The following SERP2 variants were observed in gnomAD, a reference collection of about 807,000 sequenced individuals.
The protein encoded by SERP2 is stress associated endoplasmic reticulum protein family member 2, also known as stress-associated endoplasmic reticulum protein 2.
A neutral mutation model predicts 9.1 loss-of-function variants in SERP2; 6 were observed. That is an observed-to-expected ratio of 0.66 (90% CI 0.36 to 1.30). The LOEUF is 1.30. SERP2 is among the 50% of genes most tolerant of loss of function. The probability of loss-of-function intolerance (pLI) is 0.03; values close to 1 mark genes in which losing one functional copy is unlikely to be tolerated. For missense variants in SERP2, 58 were observed against 81.9 expected (o/e 0.71, Z 1.13); for synonymous variants, 37 against 27.3 (o/e 1.35, Z -1.10).
intron 2 of SERP2, chr13:44,391,206 G>C (rs1872738677): frequency 6.6e-6 from 1 of 152,108 alleles, no homozygotes; most frequent in Admixed American, 6.5e-5. Flanking sequence ...CAGTCCCCAG[G>C]GTGAGAGTCG....
chr13:44,373,692 G>C (rs1871440351), upstream of SERP2: 1 of 302,788 alleles, frequency 3.3e-6, no homozygotes. This position sits in a 1 kb window ranked among gnomAD's most constrained non-coding sequence, Gnocchi z 4.8. Context: ...CCGGCTCTGC[G>C]CGCTGCGCTC....
Position 44,397,579 on chromosome 13 carries a change from GTT to G in SERP2, c.*273_*274del, listed in dbSNP as rs1566097417. ...CACGCGGGTCGTCCGCAGCAGTGCT[GTT>G]TTTTTGGTTTTTCCCTTGGTTTCAC... is the stretch of plus-strand genomic sequence containing the variant. On this transcript the variant is annotated 3_prime_UTR_variant, in exon 3 of 3. Transcript: ENST00000379179. The G allele has an allele frequency of 3.7e-6, 2 of 533,800 alleles. No individual in the cohort carries two copies. Among genetic ancestry groups the G allele is most frequent in the East Asian group, 6.7e-5 (2 of 30,048 alleles). 33.1% of individuals were successfully genotyped at this position (533,800 alleles called of 1,614,324 possible).
At chr13:44,395,844 G>C (rs916829623) in intron 2 of SERP2, 3 of 457,126 alleles carry the variant, frequency 6.6e-6, no homozygotes, top group Non-Finnish European at 1.3e-5. Flanking sequence ...CTGCAGATTG[G>C]TGTAGTAATA....
chr13:44,374,541 G>T (rs1307998767), intron 1 of SERP2, among the ~76,000 whole-genome samples: 1 of 152,168 alleles, frequency 6.6e-6, no homozygotes, highest in Non-Finnish European at 1.5e-5. Flanking sequence ...ACAGAGCCTG[G>T]AACCTAGTAT....
At chr13:44,380,261 T>C (rs74901634) in intron 2 of SERP2, among the ~76,000 whole-genome samples, 9,283 of 152,242 alleles carry the variant, frequency 0.061, 300 homozygotes, top group Admixed American at 0.09. Context: ...AGAAGCATCG[T>C]GCCATTGTTT....
intron 1 of SERP2, among the ~76,000 whole-genome samples, chr13:44,377,638 G>A (rs983620682): frequency 6.6e-6 from 1 of 152,224 alleles, no homozygotes; most frequent in Non-Finnish European, 1.5e-5. Flanking sequence ...GGACAGAGAA[G>A]TGAATGTCTT....
intron 2 of SERP2, among the ~76,000 whole-genome samples, chr13:44,392,201 A>AAAAAAAAAAAAAAAAAAAAAC (rs1872820119): frequency 7.1e-6 from 1 of 141,842 alleles, no homozygotes; most frequent in Admixed American, 7.1e-5. Context: ...TGTCTCAAAA[A>AAAAAAAAAAAAAAAAAAAAAC]AAAAAAAAAA....
rs756652145 is a variant in SERP2 at position 44,390,491 on chromosome 13, CTG to C, written c.158-6780_158-6779del. The C allele has an allele frequency of 5.5e-5, 25 of 455,612 alleles. No individual in the cohort carries two copies. The East Asian group carries it at 1.7e-3, about 32-fold the overall frequency. The allele number at this position is 455,612 out of a possible 1,614,324, so 28.2% of individuals were successfully genotyped here. A position where few individuals can be genotyped will look rare whatever the true frequency, so the allele number is the denominator to read the frequency against. On this transcript the variant is annotated intron_variant, in intron 2 of 2. Coordinates refer to ENST00000379179, the MANE Select transcript of SERP2 (RefSeq NM_001010897.3). ...GAACTGGCTGGCCCTGAAGGAAAGA[CTG>C]AGGCCATTCATCTGCTCTGGAGTTC...
At chr13:44,395,496 C>T (rs938798663) in intron 2 of SERP2, among the ~76,000 whole-genome samples, 4 of 149,614 alleles carry the variant, frequency 2.7e-5, no homozygotes, top group Non-Finnish European at 4.4e-5. Flanking sequence ...CCCAGCTACT[C>T]GGGAGCCTGA....
At position 44,373,944 on chromosome 13, in the gene SERP2, C is replaced by A; in HGVS notation, c.-82C>A. ...GCGCCCGGGTGGGCCGCGGGGGCCT[C>A]GGCGGGACGCGCTCGGCCCTGTCGC... On this transcript the variant is annotated 5_prime_UTR_variant, in exon 1 of 3. Coordinates refer to ENST00000379179, the MANE Select transcript of SERP2 (RefSeq NM_001010897.3). This position sits in a 1 kb window ranked among gnomAD's most constrained non-coding sequence, Gnocchi z 4.8. 1 of 1,346,180 alleles carries A rather than the reference C, an allele frequency of 7.4e-7. No homozygotes were observed. Among genetic ancestry groups the A allele is most frequent in the Admixed American group, 2.1e-5 (1 of 46,574 alleles). 83.4% of individuals were successfully genotyped at this position (1,346,180 alleles called of 1,614,324 possible).
At chr13:44,385,967 G>A (rs759026290) in intron 2 of SERP2, among the ~76,000 whole-genome samples, 11 of 152,234 alleles carry the variant, frequency 7.2e-5, no homozygotes, top group Middle Eastern at 3.4e-3. Context: ...CATCCTTCCC[G>A]GCTGCATGTT....
chr13:44,374,634 C>T lies in SERP2; in HGVS notation c.84+525C>T, dbSNP rs556801420. ...TCATCTCCTCCCGGACTCCACCTGT[C>T]TTCCCTCCCCAACAGACTTGCACCA... On this transcript the variant is annotated intron_variant, in intron 1 of 2. Transcript: ENST00000379179. 8.3e-4 allele frequency among the ~76,000 whole-genome samples: 126 copies of T among 152,340 alleles called. 2 individuals are homozygous for T. The South Asian group carries it at 0.013, about 16-fold the overall frequency.
Position 44,374,100 on chromosome 13 carries a change from C to G in SERP2, c.75C>G (p.Ala25=). The change falls in exon 1 of 3, where the codon GCC becomes GCG. Residue 25 remains alanine (A), a synonymous_variant. Coordinates refer to ENST00000379179, the MANE Select transcript of SERP2 (RefSeq NM_001010897.3). The part of the protein sequence containing the change: ...SKNITQRGNV[A]KTLRPQEEKY... ...ACATCACCCAGAGGGGGAACGTAGC[C>G]AAAACCCTGGTAAGGCGGGGTCGGC... 7.3e-7 allele frequency: 1 copy of G among 1,370,002 alleles called. No homozygotes were observed. Among genetic ancestry groups the G allele is most frequent in the Non-Finnish European group, 9.6e-7 (1 of 1,037,900 alleles). 84.9% of individuals were successfully genotyped at this position (1,370,002 alleles called of 1,614,324 possible). A position where few individuals can be genotyped will look rare whatever the true frequency, so the allele number is the denominator to read the frequency against.
At chr13:44,395,471 GCGGGCACCTGTAGTCCCAGCTA>G (rs1873036602) in intron 2 of SERP2, among the ~76,000 whole-genome samples, 1 of 151,998 alleles carries the variant, frequency 6.6e-6, no homozygotes, top group Admixed American at 6.6e-5. Flanking sequence ...GGGCATGGTA[GCGGGCACCTGTAGTCCCAGCTA>G]CTCGGGAGCC....
At chr13:44,388,857 C>G (rs938664455) in intron 2 of SERP2, among the ~76,000 whole-genome samples, 1 of 152,166 alleles carries the variant, frequency 6.6e-6, no homozygotes, top group African/African-American at 2.4e-5. Context: ...GGAGGCCTCT[C>G]CATTTCTGGA....
In SERP2 at chr13:44,397,560, G is replaced by A. The variant is rs1197506807; in HGVS notation, c.*248G>A. 1 of 550,518 alleles carries A rather than the reference G, an allele frequency of 1.8e-6. No homozygotes were observed. The highest frequency in any genetic ancestry group is 1.9e-5 in the African/African-American group (1 of 52,766). The allele number at this position is 550,518 out of a possible 1,614,324, so 34.1% of individuals were successfully genotyped here. A position where few individuals can be genotyped will look rare whatever the true frequency, so the allele number is the denominator to read the frequency against. On this transcript the variant is annotated 3_prime_UTR_variant, in exon 3 of 3. Transcript: ENST00000379179. ...TGTTGGCAGGATTAGTAGCCACGCG[G>A]GTCGTCCGCAGCAGTGCTGTTTTTT...
intron 2 of SERP2, among the ~76,000 whole-genome samples, chr13:44,384,218 T>C (rs1872188188): frequency 6.6e-6 from 1 of 152,124 alleles, no homozygotes; most frequent in South Asian, 2.1e-4. Context: ...ACACAATAGC[T>C]CCTTTAGATC....
chr13:44,390,525 G>A (rs185860831), intron 2 of SERP2: 9 of 444,202 alleles, frequency 2.0e-5, no homozygotes, highest in South Asian at 4.8e-5. Context: ...GTTCATCCTC[G>A]GGATCTGAGA....
intron 2 of SERP2, among the ~76,000 whole-genome samples, chr13:44,383,891 G>C (rs926858398): frequency 2.0e-5 from 3 of 151,958 alleles, no homozygotes; most frequent in Non-Finnish European, 4.4e-5. Flanking sequence ...AAGCTTTCTA[G>C]TTATAAAGCC....
Sources: gnomAD v4.1 joint callset for allele counts (sites outside exome capture counted in the v4.1 genomes callset) on GRCh38, gnomAD v4.1.1 for gene constraint, Gnocchi (gnomAD v3.1) non-coding constraint, MANE v1.5 for transcripts, NCBI Gene and HGNC (gene_info 2026-07-23, HGNC 2026-07-21) for gene names.